The following TF variants were observed in gnomAD, a reference collection of about 807,000 sequenced individuals.
The protein encoded by TF is transferrin, also known as serotransferrin.
In TF, 55 loss-of-function variants were observed where a neutral mutation model predicts 82.4. That is an observed-to-expected ratio of 0.67 (90% CI 0.54 to 0.84). TF has a LOEUF of 0.84. Among genes scored for constraint, TF ranks in the 40% least tolerant of loss-of-function variants. The probability of loss-of-function intolerance (pLI) is 0.00; values close to 1 mark genes in which losing one functional copy is unlikely to be tolerated. For missense variants in TF, 737 were observed against 868.4 expected (o/e 0.85, Z 1.90); for synonymous variants, 332 against 332.6 (o/e 1.00, Z 0.02).
At chr3:133,736,329 G>A in the TF span, among the ~76,000 whole-genome samples, 20 of 152,110 alleles carry the variant, frequency 1.3e-4, no homozygotes, top group South Asian at 1.5e-3. Context: ...AGGAAAAACC[G>A]GTACCAGCCA....
chr3:133,769,384 C>A (rs1342374081), intron 13 of TF, among the ~76,000 whole-genome samples: 1 of 152,080 alleles, frequency 6.6e-6, no homozygotes, highest in African/African-American at 2.4e-5. Flanking sequence ...TGTACCTTGT[C>A]TTTTTCTGGT....
chr3:133,673,951 G>C, the TF span, among the ~76,000 whole-genome samples: 3 of 152,166 alleles, frequency 2.0e-5, no homozygotes, highest in Admixed American at 1.3e-4. Context: ...TGGGTTCAGC[G>C]CTTCACCTGA....
the TF span, among the ~76,000 whole-genome samples, chr3:133,737,509 TA>T: frequency 2.6e-5 from 4 of 151,854 alleles, no homozygotes; most frequent in Admixed American, 6.6e-5. Flanking sequence ...AAAAAACCCT[TA>T]AAAAAATCAA....
chr3:133,714,421 A>T, the TF span, among the ~76,000 whole-genome samples: 1 of 152,178 alleles, frequency 6.6e-6, no homozygotes, highest in Non-Finnish European at 1.5e-5. Context: ...GCCCTCTCCA[A>T]AGTTTTCTCT....
chr3:133,766,610 A>G (rs2692695), intron 12 of TF, among the ~76,000 whole-genome samples, 177 bp downstream of exon 12: 85,079 of 152,034 alleles, frequency 0.56, 24,020 homozygotes, highest in Non-Finnish European at 0.59. Context: ...GGCTGGAAGG[A>G]CTGGAACTGG....
At chr3:133,777,310 C>T (rs1201259619) in intron 16 of TF, 72 bp downstream of exon 16, 2 of 1,491,224 alleles carry the variant, frequency 1.3e-6, no homozygotes, top group African/African-American at 1.4e-5. Flanking sequence ...TGGGTGGGTA[C>T]AGGAGGGGTA....
the TF span, among the ~76,000 whole-genome samples, chr3:133,725,826 G>A: frequency 8.0e-4 from 121 of 151,714 alleles, no homozygotes; most frequent in Admixed American, 1.3e-3. Context: ...TTTGAGATAC[G>A]TCCCATCAAT....
chr3:133,747,097 A>T (rs918718022), intron 1 of TF: 3 of 153,664 alleles, frequency 2.0e-5, no homozygotes, highest in Non-Finnish European at 4.3e-5. Context: ...CTGACGCCAC[A>T]CTCCCCGACC....
the TF span, among the ~76,000 whole-genome samples, chr3:133,741,008 T>C: frequency 6.9e-6 from 1 of 145,634 alleles, no homozygotes; most frequent in African/African-American, 2.6e-5. Context: ...TTTTTTTTTT[T>C]TGAGACAGGG....
the TF span, among the ~76,000 whole-genome samples, chr3:133,680,626 C>T: frequency 1.8e-4 from 27 of 151,998 alleles, no homozygotes; most frequent in Admixed American, 3.3e-4. Flanking sequence ...GGCACATGGC[C>T]TGCATAATTC....
intron 3 of TF, chr3:133,754,079 G>C: frequency 2.3e-6 from 1 of 426,830 alleles, no homozygotes; most frequent in Non-Finnish European, 4.4e-6. Flanking sequence ...CACACTCAGA[G>C]GCCAGCAGCC....
the TF span, among the ~76,000 whole-genome samples, chr3:133,713,025 C>T: frequency 6.6e-6 from 1 of 152,174 alleles, no homozygotes; most frequent in Non-Finnish European, 1.5e-5. Flanking sequence ...CCTTAGGGCA[C>T]CTAGGGAGAA....
the TF span, among the ~76,000 whole-genome samples, chr3:133,723,563 T>C: frequency 4.0e-5 from 6 of 149,494 alleles, no homozygotes; most frequent in African/African-American, 1.2e-4. Context: ...ATTTAGTCTG[T>C]TGATGAAGCA....
intron 14 of TF, 159 bp downstream of exon 14, chr3:133,770,731 C>T: frequency 2.2e-6 from 2 of 893,260 alleles, no homozygotes; most frequent in South Asian, 1.4e-5. Flanking sequence ...ACATGTTCAC[C>T]TGAGTGCGCA....
At chr3:133,767,429 A>T (rs1023052133) in intron 12 of TF, among the ~76,000 whole-genome samples, 1 of 152,218 alleles carries the variant, frequency 6.6e-6, no homozygotes, top group African/African-American at 2.4e-5. Flanking sequence ...GGAAGTGGTG[A>T]TGAGAGTATG....
rs56267966 is a variant in TF at position 133,789,879 on chromosome 3, G to GTTTTTTTTTTT, written c.*11278_*11288dup. On this transcript the variant is annotated 3_prime_UTR_variant, in exon 17 of 17. Coordinates refer to ENST00000402696, the MANE Select transcript of TF (RefSeq NM_001063.4). ...GCCAAAACAAAACGATCTCGTTTGC[G>GTTTTTTTTTTT]TTTTTTTTTTTTTTTTTTTTTTTTT... 7.9e-5 allele frequency: 7 copies of GTTTTTTTTTTT among 88,964 alleles called. No homozygotes were observed. Among genetic ancestry groups the GTTTTTTTTTTT allele is most frequent in the African/African-American group, 1.6e-4 (3 of 18,258 alleles). The allele number at this position is 88,964 out of a possible 1,614,324, so 5.5% of individuals were successfully genotyped here.
At chr3:133,739,142 G>C in the TF span, among the ~76,000 whole-genome samples, 8 of 152,174 alleles carry the variant, frequency 5.3e-5, no homozygotes, top group East Asian at 1.4e-3. Context: ...CAGAACAGAG[G>C]CCTCAAAAAA....
chr3:133,773,070 A>C (rs1308631271), intron 14 of TF: 1 of 152,088 alleles, frequency 6.6e-6, no homozygotes, highest in Non-Finnish European at 1.5e-5. Context: ...GTAGCTTTTC[A>C]ACTCTTGCCC....
the TF span, among the ~76,000 whole-genome samples, chr3:133,724,755 C>T: frequency 2.0e-5 from 3 of 152,138 alleles, no homozygotes; most frequent in Non-Finnish European, 4.4e-5. Context: ...AATGGTATTG[C>T]CTAGGTTTTC....
Sources: allele counts gnomAD v4.1 joint callset (sites outside exome capture counted in the v4.1 genomes callset), GRCh38; gene constraint gnomAD v4.1.1; transcripts MANE v1.5; gene names NCBI Gene and HGNC (gene_info 2026-07-23, HGNC 2026-07-21).